The following CACNA1H variants were observed in gnomAD, a reference collection of about 807,000 sequenced individuals.
CACNA1H encodes calcium voltage-gated channel subunit alpha1 H, also known as voltage-dependent T-type calcium channel subunit alpha-1H.
In CACNA1H, 149 loss-of-function variants were observed where a neutral mutation model predicts 192.5. The observed-to-expected ratio is 0.77, with a 90% confidence interval of 0.68 to 0.89. The LOEUF is 0.89. Ranked by LOEUF, CACNA1H falls within the 40% of genes least tolerant of loss-of-function variation. The pLI is 0.00. For missense variants in CACNA1H, 4,257 were observed against 3,423.5 expected (o/e 1.24, Z -6.08); for synonymous variants, 2,202 against 1,475.2 (o/e 1.49, Z -11.29).
rs776740325 is a variant in CACNA1H at position 1,210,381 on chromosome 16, C to T, written c.3857C>T (p.Ser1286Phe). Residue 1286 changes from serine (S) to phenylalanine (F), a missense_variant, in exon 19 of 35, where the codon TCC becomes TTC. Coordinates refer to ENST00000348261, the MANE Select transcript of CACNA1H (RefSeq NM_021098.3). The stretch of plus-strand genomic sequence containing the variant: ...CCCCGCCCACCCAGGTTCCGCGTCT[C>T]CTGCCAGAAGGTCATCACACACAAG... Reference protein sequence around the residue: ...LFSPQNRFRVSCQKVITHKMF... With the variant: ...LFSPQNRFRVFCQKVITHKMF... 7.3e-7 allele frequency: 1 copy of T among 1,379,076 alleles called. No individual in the cohort carries two copies. The highest frequency in any genetic ancestry group is 9.9e-7 in the Non-Finnish European group (1 of 1,014,184). 85.4% of individuals were successfully genotyped at this position (1,379,076 alleles called of 1,614,324 possible). A position where few individuals can be genotyped will look rare whatever the true frequency, so the allele number is the denominator to read the frequency against.
intron 2 of CACNA1H, among the ~76,000 whole-genome samples, chr16:1,170,343 T>C (rs1303053370): frequency 1.3e-5 from 2 of 152,218 alleles, no homozygotes; most frequent in East Asian, 1.9e-4. Flanking sequence ...GCAGCAGGGC[T>C]CCCTGGGACG....
At chr16:1,200,913 C>G in intron 8 of CACNA1H, 105 bp downstream of exon 8, 1 of 812,696 alleles carries the variant, frequency 1.2e-6, no homozygotes, top group East Asian at 2.7e-5. Context: ...TGTCTTCCAG[C>G]TGAAGGGAGC....
intron 24 of CACNA1H, 69 bp from the exon 25 acceptor site, chr16:1,211,876 TC>T: frequency 1.9e-6 from 3 of 1,609,310 alleles, no homozygotes; most frequent in Non-Finnish European, 2.5e-6. Context: ...CTCTGGGGAC[TC>T]GGGGGGCCAT....
Position 1,212,031 on chromosome 16 carries a change from T to C in CACNA1H, c.4652T>C (p.Val1551Ala). 6.2e-7 allele frequency: 1 copy of C among 1,613,436 alleles called. No individual in the cohort carries two copies. The highest frequency in any genetic ancestry group is 8.5e-7 in the Non-Finnish European group (1 of 1,179,682). ...AGCTTCTTCGTGCTCAACATGTTCG[T>C]GGGCGTCGTGGTCGAGAACTTCCAC... is the stretch of plus-strand genomic sequence containing the variant. The part of the protein sequence containing the change: ...IVSFFVLNMF[V>A]GVVVENFHKC... The change falls in exon 25 of 35, where the codon GTG becomes GCG. Residue 1551 changes from valine to alanine, a missense_variant. Physicochemically the swap from Val to Ala is moderately conservative, Grantham distance 64. Coordinates refer to ENST00000348261, the MANE Select transcript of CACNA1H (RefSeq NM_021098.3).
intron 2 of CACNA1H, among the ~76,000 whole-genome samples, chr16:1,188,885 G>A (rs1966326192): frequency 6.6e-6 from 1 of 152,304 alleles, no homozygotes; most frequent in African/African-American, 2.4e-5. Context: ...TCAGCACCAT[G>A]GACAGCAGCC....
At chr16:1,166,492 C>G (rs117898243) in intron 2 of CACNA1H, among the ~76,000 whole-genome samples, 4,308 of 152,324 alleles carry the variant, frequency 0.028, 81 homozygotes, top group Non-Finnish European at 0.044. Flanking sequence ...TTATCCACCA[C>G]CTAACTCGCC....
chr16:1,186,470 C>T (rs1321125476), intron 2 of CACNA1H, among the ~76,000 whole-genome samples: 1 of 152,088 alleles, frequency 6.6e-6, no homozygotes, highest in Admixed American at 6.5e-5. Context: ...CAAAGGGTCA[C>T]TGTGGACTCT....
chr16:1,153,940 A>G lies in CACNA1H; in HGVS notation c.203A>G (p.Gln68Arg). The change falls in exon 2 of 35, where the codon CAG becomes CGG. Residue 68 changes from glutamine (Q) to arginine (R), a missense_variant. Physicochemically the swap from Gln to Arg is conservative, Grantham distance 43 (BLOSUM62 1). Coordinates refer to ENST00000348261, the MANE Select transcript of CACNA1H (RefSeq NM_021098.3). Reference protein sequence around the residue: ...RGAELGADEEQRVPYPALAAT... With the variant: ...RGAELGADEERRVPYPALAAT... The stretch of plus-strand genomic sequence containing the variant: ...GCGGAGCTGGGTGCCGACGAGGAGC[A>G]GCGCGTCCCGTACCCGGCCTTGGCG... 1 of 1,454,042 alleles carries G rather than the reference A, an allele frequency of 6.9e-7. No homozygotes were observed. Among genetic ancestry groups the G allele is most frequent in the South Asian group, 1.3e-5 (1 of 76,730 alleles). 90.1% of individuals were successfully genotyped at this position (1,454,042 alleles called of 1,614,324 possible). A position where few individuals can be genotyped will look rare whatever the true frequency, so the allele number is the denominator to read the frequency against.
At chr16:1,210,999 G>A (rs748581340) in intron 21 of CACNA1H, 28 bp downstream of exon 21, 1 of 1,585,258 alleles carries the variant, frequency 6.3e-7, no homozygotes, top group Non-Finnish European at 8.5e-7. Context: ...GGCTCCCGGG[G>A]CAACCTGGAA....
intron 2 of CACNA1H, among the ~76,000 whole-genome samples, chr16:1,185,445 C>G (rs1965891359): frequency 6.6e-6 from 1 of 150,720 alleles, no homozygotes; most frequent in Non-Finnish European, 1.5e-5. Context: ...TGGACGGTGT[C>G]TGTGGGTCCT....
rs1324824751 is a variant in CACNA1H at position 1,202,166 on chromosome 16, G to A, written c.1716G>A (p.Val572=). The A allele has an allele frequency of 1.3e-6, 2 of 1,551,912 alleles. No individual in the cohort carries two copies. Among genetic ancestry groups the A allele is most frequent in the Middle Eastern group, 1.7e-4 (1 of 5,992 alleles). Residue 572 remains valine (V), a synonymous_variant, in exon 9 of 35, where the codon GTG becomes GTA. Transcript: ENST00000348261. ...PGRGPPDAES[V]HSIYHADCHI... ...GCGGACCCCCCGACGCAGAGTCTGT[G>A]CACAGCATCTACCATGCCGACTGCC...
chr16:1,205,363 G>A, intron 11 of CACNA1H, 98 bp downstream of exon 11: 2 of 1,279,338 alleles, frequency 1.6e-6, no homozygotes, highest in East Asian at 2.3e-5. Context: ...ACAGGAGGAA[G>A]TACGACGATA....
chr16:1,161,149 G>A (rs924559277), intron 2 of CACNA1H, among the ~76,000 whole-genome samples: 2 of 152,242 alleles, frequency 1.3e-5, no homozygotes, highest in South Asian at 2.1e-4. Context: ...AGCGTCTGCT[G>A]GCCCTGCTGG....
At chr16:1,174,825 C>T (rs1344697684) in intron 2 of CACNA1H, among the ~76,000 whole-genome samples, 3 of 152,228 alleles carry the variant, frequency 2.0e-5, no homozygotes, top group South Asian at 2.1e-4. Context: ...GCCGAGTTGG[C>T]GTGGCCCTGG....
Position 1,206,188 on chromosome 16 carries a change from C to T in CACNA1H, c.2688C>T (p.Arg896=). 1.3e-6 allele frequency: 2 copies of T among 1,591,710 alleles called. No individual in the cohort carries two copies. The highest frequency in any genetic ancestry group is 1.1e-5 in the South Asian group (1 of 86,958). ...TGCTGCGTGTGCTGAAGCTGGTGCG[C>T]TTTCTGCCAGCCCTGCGGCGCCAGC... ...FRLLRVLKLV[R]FLPALRRQLV... is the part of the protein sequence containing the mutation. The change falls in exon 12 of 35, where the codon CGC becomes CGT. Residue 896 remains arginine, a synonymous_variant. Coordinates refer to ENST00000348261, the MANE Select transcript of CACNA1H (RefSeq NM_021098.3).
chr16:1,183,546 C>T (rs543642956), intron 2 of CACNA1H, among the ~76,000 whole-genome samples: 1 of 152,244 alleles, frequency 6.6e-6, no homozygotes, highest in Non-Finnish European at 1.5e-5. Context: ...TTGCCCTCCC[C>T]CTTCCCACCC....
rs188011163 is a variant in CACNA1H, at chr16:1,197,110, C to T, written c.643+1087C>T. Among the ~76,000 whole-genome samples, 14 of 152,334 alleles carry T rather than the reference C, an allele frequency of 9.2e-5. No homozygotes were observed. The East Asian group carries it at 1.5e-3, about 17-fold the overall frequency. On this transcript the variant is annotated intron_variant, in intron 5 of 34. Coordinates refer to ENST00000348261, the MANE Select transcript of CACNA1H (RefSeq NM_021098.3). ...TCCCGAAGGGCAGGTGGGTCATCCT[C>T]GTGCCGCTGGTCCCTGAGCCTGCCT...
chr16:1,201,248 G>A (rs984268239), intron 8 of CACNA1H, among the ~76,000 whole-genome samples: 9 of 152,152 alleles, frequency 5.9e-5, no homozygotes, highest in East Asian at 1.9e-4. Context: ...GCAGACAGAC[G>A]TCCCCAGCTT....
chr16:1,219,341 A>G (rs1381198824), intron 34 of CACNA1H, among the ~76,000 whole-genome samples: 2 of 152,198 alleles, frequency 1.3e-5, no homozygotes, highest in Non-Finnish European at 2.9e-5. Flanking sequence ...CTGTGGCTAC[A>G]GAGCTCTTGG....
Sources: allele counts gnomAD v4.1 joint callset (sites outside exome capture counted in the v4.1 genomes callset), GRCh38; gene constraint gnomAD v4.1.1; transcripts MANE v1.5; gene names NCBI Gene and HGNC (gene_info 2026-07-23, HGNC 2026-07-21).